SLC25A37: variants seen among roughly 807,000 people sequenced by gnomAD.
SLC25A37 encodes the protein solute carrier family 25 member 37, also known as mitoferrin-1.
Under a neutral mutation model 31.0 loss-of-function variants are expected in SLC25A37, and 17 were observed. That is an observed-to-expected ratio of 0.55 (90% CI 0.38 to 0.82). SLC25A37 has a LOEUF of 0.82. Among genes scored for constraint, SLC25A37 ranks in the 40% least tolerant of loss-of-function variants. The pLI is 0.00. For missense variants in SLC25A37, 404 were observed against 465.8 expected (o/e 0.87, Z 1.22); for synonymous variants, 222 against 193.0 (o/e 1.15, Z -1.24).
At chr8:23,551,582 GAAA>G in intron 1 of SLC25A37, among the ~76,000 whole-genome samples, 1 of 141,608 alleles carries the variant, frequency 7.1e-6, no homozygotes, top group East Asian at 2.0e-4. Flanking sequence ...TTATCCAAAG[GAAA>G]AAAAAAAAAG....
intron 3 of SLC25A37, among the ~76,000 whole-genome samples, chr8:23,569,423 A>ACACACACACACACACT (rs1802760291): frequency 6.6e-6 from 1 of 151,566 alleles, no homozygotes; most frequent in Non-Finnish European, 1.5e-5. Flanking sequence ...ACACACACAC[A>ACACACACACACACACT]CACACTCACT....
chr8:23,563,665 G>C lies in SLC25A37; in HGVS notation c.211-2443G>C, dbSNP rs1176363455. Among the ~76,000 whole-genome samples the C allele has an allele frequency of 4.6e-5, 7 of 152,294 alleles. 1 individual carries two copies. In the South Asian group the frequency reaches 6.2e-4, roughly 14 times the overall value. ...TTTGCCAGTCTGTGGTAGGAAAAAG[G>C]GTGCAGAGTAGCGAGTTTTTAATAA... On this transcript the variant is annotated intron_variant, in intron 1 of 3. Coordinates refer to ENST00000519973, the MANE Select transcript of SLC25A37 (RefSeq NM_016612.4).
chr8:23,562,789 G>A (rs1381270684), intron 1 of SLC25A37, among the ~76,000 whole-genome samples: 1 of 152,130 alleles, frequency 6.6e-6, no homozygotes, highest in Non-Finnish European at 1.5e-5. Flanking sequence ...CCTTGCCCAG[G>A]GTCACACCAT....
chr8:23,538,410 GAAAA>G (rs1220928469), intron 1 of SLC25A37, among the ~76,000 whole-genome samples: 9 of 91,050 alleles, frequency 9.9e-5, no homozygotes, highest in African/African-American at 3.5e-4. Flanking sequence ...AAAAAAACCA[GAAAA>G]AAAAACTTGC....
chr8:23,574,111 T>C lies in SLC25A37; in HGVS notation c.*2256T>C. 1 of 333,974 alleles carries C rather than the reference T, an allele frequency of 3.0e-6. No individual in the cohort carries two copies. The allele number at this position is 333,974 out of a possible 1,614,324, so 20.7% of individuals were successfully genotyped here. A position where few individuals can be genotyped will look rare whatever the true frequency, so the allele number is the denominator to read the frequency against. ...TCCTACTGGATTTTGCTTTCACTGGTGTTTAGAAAATAAACTTGATTTCTC... is the reference window on the plus strand; with the variant it reads ...TCCTACTGGATTTTGCTTTCACTGGCGTTTAGAAAATAAACTTGATTTCTC... On this transcript the variant is annotated 3_prime_UTR_variant, in exon 4 of 4. Coordinates refer to ENST00000519973, the MANE Select transcript of SLC25A37 (RefSeq NM_016612.4).
chr8:23,532,289 A>C (rs1801676562), intron 1 of SLC25A37, among the ~76,000 whole-genome samples: 1 of 152,232 alleles, frequency 6.6e-6, no homozygotes, highest in African/African-American at 2.4e-5. Context: ...GACAGTGAGC[A>C]GCAAAGTGAT....
In SLC25A37 at chr8:23,574,158, AG is replaced by A; in HGVS notation, c.*2306del. On this transcript the variant is annotated 3_prime_UTR_variant, in exon 4 of 4. Transcript: ENST00000519973. ...TCTCTAGGAGCACTCCTTTGGTTAG[AG>A]GGATGCAAGAAGGAGAGGTGAAGGT... is the stretch of plus-strand genomic sequence containing the variant. 3.4e-6 allele frequency: 1 copy of A among 293,614 alleles called. No individual in the cohort carries two copies. The highest frequency in any genetic ancestry group is 8.8e-5 in the East Asian group (1 of 11,378). The allele number at this position is 293,614 out of a possible 1,614,324, so 18.2% of individuals were successfully genotyped here.
rs1802868342 is a variant in SLC25A37 at position 23,572,079 on chromosome 8, C to G, written c.*224C>G. On this transcript the variant is annotated 3_prime_UTR_variant, in exon 4 of 4. Coordinates refer to ENST00000519973, the MANE Select transcript of SLC25A37 (RefSeq NM_016612.4). ...GACAGGAAGGACTTGGGAAGGGGAG[C>G]GAGAAATTGCTTTTTCTCTTCCTCC... 7.8e-6 allele frequency: 4 copies of G among 513,092 alleles called. No homozygotes were observed. The highest frequency in any genetic ancestry group is 3.8e-5 in the African/African-American group (2 of 52,500). The allele number at this position is 513,092 out of a possible 1,614,324, so 31.8% of individuals were successfully genotyped here.
chr8:23,561,507 C>A (rs945455811), intron 1 of SLC25A37, among the ~76,000 whole-genome samples: 2 of 152,190 alleles, frequency 1.3e-5, no homozygotes, highest in Non-Finnish European at 2.9e-5. Flanking sequence ...GCTCTCTGGG[C>A]GATTATTCCA....
chr8:23,565,997 G>A (rs1323343964), intron 1 of SLC25A37, 111 bp from the exon 2 acceptor site: 6 of 1,395,910 alleles, frequency 4.3e-6, no homozygotes, highest in Non-Finnish European at 5.6e-6. Flanking sequence ...GAGAAATCCT[G>A]TGAAACTATG....
intron 1 of SLC25A37, among the ~76,000 whole-genome samples, chr8:23,560,363 G>C (rs1802483549): frequency 6.6e-6 from 1 of 152,238 alleles, no homozygotes; most frequent in South Asian, 2.1e-4. Flanking sequence ...CCTGCCTTCT[G>C]CCTCTCTTGC....
chr8:23,536,951 C>T (rs1250688978), intron 1 of SLC25A37, among the ~76,000 whole-genome samples: 1 of 152,172 alleles, frequency 6.6e-6, no homozygotes, highest in Non-Finnish European at 1.5e-5. Flanking sequence ...ATCCCAATAC[C>T]TTGAGAGGCC....
chr8:23,551,088 C>G (rs1343861350), intron 1 of SLC25A37, among the ~76,000 whole-genome samples: 2 of 152,242 alleles, frequency 1.3e-5, no homozygotes, highest in African/African-American at 2.4e-5. Flanking sequence ...TAGCCCTGGC[C>G]TGGACTTCAG....
chr8:23,530,212 G>T (rs1213764817), intron 1 of SLC25A37, among the ~76,000 whole-genome samples: 1 of 152,178 alleles, frequency 6.6e-6, no homozygotes. Context: ...AAACTGAGGC[G>T]CAGAGAGGCG....
chr8:23,539,968 G>A (rs1338001010), intron 1 of SLC25A37, among the ~76,000 whole-genome samples: 1 of 152,212 alleles, frequency 6.6e-6, no homozygotes, highest in Non-Finnish European at 1.5e-5. Flanking sequence ...GATACACCTA[G>A]AATGTTAAGG....
chr8:23,535,481 A>G (rs983912182), intron 1 of SLC25A37, among the ~76,000 whole-genome samples: 1 of 152,116 alleles, frequency 6.6e-6, no homozygotes, highest in Non-Finnish European at 1.5e-5. Flanking sequence ...TCATTCCTTT[A>G]AGGTATATCA....
chr8:23,571,359 A>T lies in SLC25A37; in HGVS notation c.521A>T (p.Tyr174Phe). 2.5e-6 allele frequency: 4 copies of T among 1,600,632 alleles called. No homozygotes were observed. The highest frequency in any genetic ancestry group is 1.7e-4 in the Middle Eastern group (1 of 5,940). Residue 174 changes from tyrosine (Y) to phenylalanine (F), a missense_variant, in exon 4 of 4, where the codon TAC (tyrosine) becomes TTC (phenylalanine). Tyr to Phe is a conservative substitution (Grantham distance 22). Around this residue, in one of 3 missense-constraint regions of SLC25A37, gnomAD observed 243 missense variants for 284.4 expected, o/e 0.85. Transcript: ENST00000519973. ...GTGGTGAAGCAGCGCTTGCAGATGTACAACTCGCAGCACCGGTCAGCAATC... is the reference window on the plus strand; with the variant it reads ...GTGGTGAAGCAGCGCTTGCAGATGTTCAACTCGCAGCACCGGTCAGCAATC... Reference protein sequence around the residue: ...AEVVKQRLQMYNSQHRSAISC... With the variant: ...AEVVKQRLQMFNSQHRSAISC...
At chr8:23,560,908 A>T (rs900875862) in intron 1 of SLC25A37, among the ~76,000 whole-genome samples, 12 of 152,108 alleles carry the variant, frequency 7.9e-5, no homozygotes, top group Non-Finnish European at 1.8e-4. Flanking sequence ...AGCAAGCAGG[A>T]GGGAGAGAAG....
chr8:23,529,284 G>T lies in SLC25A37; in HGVS notation c.210+72G>T. 2.8e-6 allele frequency: 4 copies of T among 1,442,116 alleles called. No homozygotes were observed. The highest frequency in any genetic ancestry group is 2.8e-6 in the Non-Finnish European group (3 of 1,073,418). The allele number at this position is 1,442,116 out of a possible 1,614,324, so 89.3% of individuals were successfully genotyped here. On this transcript the variant is annotated intron_variant, in intron 1 of 3. Coordinates refer to ENST00000519973, the MANE Select transcript of SLC25A37 (RefSeq NM_016612.4). This position sits in a 1 kb window ranked among gnomAD's most constrained non-coding sequence, Gnocchi z 4.1. ...GCGCGCGCGCATTTGCATCCCGCGC[G>T]CCGGCAGCCTCGGGGCAGCGTCCCG...
Sources: gnomAD v4.1 joint callset for allele counts (sites outside exome capture counted in the v4.1 genomes callset) on GRCh38, gnomAD v4.1.1 for gene constraint, gnomAD v4.1.1 regional missense constraint, Gnocchi (gnomAD v3.1) non-coding constraint, MANE v1.5 for transcripts, NCBI Gene and HGNC (gene_info 2026-07-23, HGNC 2026-07-21) for gene names.